Variants in ZEB2 observed in about 807,000 individuals in gnomAD.
ZEB2 encodes the protein zinc finger E-box binding homeobox 2.
A neutral mutation model predicts 99.9 loss-of-function variants in ZEB2; 6 were observed. That is an observed-to-expected ratio of 0.06 (90% CI 0.03 to 0.12). The LOEUF (loss-of-function observed/expected upper bound fraction) is 0.12. ZEB2 is among the 10% of genes least tolerant of loss of function. ZEB2 has a pLI of 1.00. For synonymous variants in ZEB2, 517 were observed against 542.5 expected (o/e 0.95, Z 0.65); for missense variants, 969 against 1,502.8 (o/e 0.64, Z 5.87).
At chr2:144,485,795 T>C (rs1704586440) in intron 2 of ZEB2, among the ~76,000 whole-genome samples, 1 of 152,116 alleles carries the variant, frequency 6.6e-6, no homozygotes, top group Non-Finnish European at 1.5e-5. Flanking sequence ...ATTTTTGTAT[T>C]TTTAGTAGAT....
intron 2 of ZEB2, chr2:144,497,841 ATATGT>A (rs1704788831): frequency 4.3e-4 from 3 of 7,046 alleles, no homozygotes; most frequent in South Asian, 8.8e-3. Context: ...ATATATATAT[ATATGT>A]CATTCTCAAC....
At chr2:144,511,790 G>C (rs1274361675) in intron 2 of ZEB2, 1 of 1,286,648 alleles carries the variant, frequency 7.8e-7, no homozygotes, top group East Asian at 5.5e-5. Flanking sequence ...GATTGCTAAA[G>C]ACAGAAAAGA....
At chr2:144,392,214 T>C (rs548614211) in intron 9 of ZEB2, among the ~76,000 whole-genome samples, 6 of 152,352 alleles carry the variant, frequency 3.9e-5, no homozygotes, top group Admixed American at 2.0e-4. Context: ...TTTTGGATAC[T>C]AATGTCTCAT....
chr2:144,497,590 AT>A (rs1271109252), intron 2 of ZEB2: 1 of 162,728 alleles, frequency 6.1e-6, no homozygotes, highest in Non-Finnish European at 1.5e-5. Context: ...GAAAATGCGC[AT>A]TTTTCTTTCA....
chr2:144,434,412 A>G (rs1285091095), intron 2 of ZEB2, among the ~76,000 whole-genome samples: 1 of 152,180 alleles, frequency 6.6e-6, no homozygotes, highest in African/African-American at 2.4e-5. Flanking sequence ...GGACACTTGA[A>G]GTCAACTCTT....
rs1703255954 is a variant in ZEB2, at chr2:144,398,237, A to T, written c.2886+64T>A. On this transcript the variant is annotated intron_variant, in intron 8 of 9. Coordinates refer to ENST00000627532, the MANE Select transcript of ZEB2 (RefSeq NM_014795.4). ...TTTCACTAAGATTTTTTTTTCCTACATGCACATAATCAAAATAATTGCCAC... is the reference window on the plus strand; with the variant it reads ...TTTCACTAAGATTTTTTTTTCCTACTTGCACATAATCAAAATAATTGCCAC... The T allele has an allele frequency of 5.0e-6, 8 of 1,598,012 alleles. 1 individual carries two copies. In the South Asian group the frequency reaches 8.9e-5, roughly 18 times the overall value.
chr2:144,499,245 T>C (rs1331438407), intron 2 of ZEB2, among the ~76,000 whole-genome samples: 1 of 152,230 alleles, frequency 6.6e-6, no homozygotes, highest in Non-Finnish European at 1.5e-5. Context: ...TCAAACCCCA[T>C]ATTCTCAATT....
chr2:144,495,783 G>A (rs780385490), intron 2 of ZEB2: 1 of 152,212 alleles, frequency 6.6e-6, no homozygotes, highest in African/African-American at 2.4e-5. Flanking sequence ...TCTACAATTT[G>A]TCTCTAAGAG....
chr2:144,411,215 C>T (rs943400684), intron 4 of ZEB2, among the ~76,000 whole-genome samples: 3 of 150,682 alleles, frequency 2.0e-5, no homozygotes, highest in Admixed American at 2.0e-4. Context: ...CTGGCTTTTG[C>T]TTACTTCACT....
intron 4 of ZEB2, among the ~76,000 whole-genome samples, chr2:144,407,412 G>A (rs183276293): frequency 6.6e-6 from 1 of 152,296 alleles, no homozygotes; most frequent in Non-Finnish European, 1.5e-5. Context: ...ACAATGTCAT[G>A]GATGCTTTCC....
chr2:144,458,565 A>T (rs13401515), intron 2 of ZEB2, among the ~76,000 whole-genome samples: 21,631 of 152,078 alleles, frequency 0.14, 2,191 homozygotes, highest in African/African-American at 0.29. Context: ...TTTTGTTCAC[A>T]TTCCAACTGA....
At chr2:144,517,835 A>AC in intron 1 of ZEB2, 1 of 456,430 alleles carries the variant, frequency 2.2e-6, no homozygotes, top group Non-Finnish European at 3.8e-6. Context: ...TCATCCCCCC[A>AC]CCCCCCAATT....
intron 2 of ZEB2, among the ~76,000 whole-genome samples, chr2:144,446,693 G>A (rs1452112717): frequency 6.6e-6 from 1 of 151,680 alleles, no homozygotes; most frequent in Non-Finnish European, 1.5e-5. Flanking sequence ...CCACATATGA[G>A]TTTGATGACT....
chr2:144,384,605 C>CTTT lies in ZEB2; in HGVS notation c.*4843_*4845dup, dbSNP rs201661554. 7.0e-6 allele frequency: 1 copy of CTTT among 142,106 alleles called. No homozygotes were observed. The allele number at this position is 142,106 out of a possible 1,614,324, so 8.8% of individuals were successfully genotyped here. ...ACATTTTTATTTTGGGAAAGGAGGT[C>CTTT]TTTTTTTTTTTTAACATGGATACAG... On this transcript the variant is annotated 3_prime_UTR_variant, in exon 10 of 10. Coordinates refer to ENST00000627532, the MANE Select transcript of ZEB2 (RefSeq NM_014795.4).
intron 5 of ZEB2, among the ~76,000 whole-genome samples, 159 bp downstream of exon 5, chr2:144,404,677 C>T (rs531599953): frequency 6.6e-6 from 1 of 152,332 alleles, no homozygotes; most frequent in African/African-American, 2.4e-5. Context: ...AAAAATTTCA[C>T]AATACCCTAA....
intron 4 of ZEB2, among the ~76,000 whole-genome samples, chr2:144,408,658 T>C (rs1476599543): frequency 2.0e-5 from 3 of 152,198 alleles, no homozygotes; most frequent in African/African-American, 7.2e-5. Flanking sequence ...GCTAGTAATA[T>C]ACAGTTTTTC....
chr2:144,511,526 GATT>G (rs1390435283), intron 2 of ZEB2: 4 of 1,281,396 alleles, frequency 3.1e-6, no homozygotes, highest in African/African-American at 3.1e-5. Flanking sequence ...GGAGCCTACT[GATT>G]ATTATCGTTT....
At chr2:144,394,697 T>C (rs1703197908) in intron 9 of ZEB2, among the ~76,000 whole-genome samples, 1 of 152,182 alleles carries the variant, frequency 6.6e-6, no homozygotes, top group South Asian at 2.1e-4. Context: ...GTCTTTAAGG[T>C]ATCATTAAAC....
intron 4 of ZEB2, among the ~76,000 whole-genome samples, chr2:144,414,161 GATCCT>G: frequency 6.6e-6 from 1 of 152,174 alleles, no homozygotes; most frequent in Non-Finnish European, 1.5e-5. Flanking sequence ...CCCAAAGAAG[GATCCT>G]GTAAACTTAG....
Sources: allele counts gnomAD v4.1 joint callset (sites outside exome capture counted in the v4.1 genomes callset), GRCh38; gene constraint gnomAD v4.1.1; transcripts MANE v1.5; gene names NCBI Gene and HGNC (gene_info 2026-07-23, HGNC 2026-07-21).